COP1: variants seen among roughly 807,000 people sequenced by gnomAD.
COP1 encodes COP1 E3 ubiquitin ligase, also known as E3 ubiquitin-protein ligase COP1.
COP1 carries 24 observed loss-of-function variants against 101.3 expected under a neutral mutation model. The observed-to-expected ratio is 0.24, with a 90% CI of 0.17 to 0.33. The LOEUF (loss-of-function observed/expected upper bound fraction) is 0.33. Ranked by LOEUF, COP1 falls within the 10% of genes least tolerant of loss-of-function variation. The pLI is 1.00. For missense variants in COP1, 663 were observed against 906.2 expected, an observed-to-expected ratio of 0.73 and a Z score of 3.45; for synonymous variants, 347 against 341.9, an observed-to-expected ratio of 1.01 and a Z score of -0.17.
intron 6 of COP1, among the ~76,000 whole-genome samples, chr1:176,145,853 T>C (rs1691511234): frequency 6.6e-6 from 1 of 152,136 alleles, no homozygotes; most frequent in African/African-American, 2.4e-5. Context: ...TATCAGAATA[T>C]TGGTTACCTA....
intron 11 of COP1, among the ~76,000 whole-genome samples, chr1:176,060,035 G>A (rs1342461860): frequency 6.6e-6 from 1 of 151,924 alleles, no homozygotes; most frequent in Non-Finnish European, 1.5e-5. Flanking sequence ...TGAATTAATG[G>A]ACAGACTTTA....
chr1:175,969,086 C>G (rs932590858), intron 18 of COP1, among the ~76,000 whole-genome samples: 4 of 152,148 alleles, frequency 2.6e-5, no homozygotes, highest in South Asian at 4.2e-4. Flanking sequence ...AAAGCTGATT[C>G]TAGAATTCAG....
At chr1:176,141,613 C>A (rs1165395192) in intron 6 of COP1, among the ~76,000 whole-genome samples, 5 of 152,144 alleles carry the variant, frequency 3.3e-5, no homozygotes, top group Non-Finnish European at 7.3e-5. Context: ...CTACAGCAAG[C>A]CAAAACCCTT....
intron 11 of COP1, among the ~76,000 whole-genome samples, chr1:176,050,461 T>A (rs1330464227): frequency 3.3e-5 from 5 of 152,224 alleles, no homozygotes; most frequent in Non-Finnish European, 7.3e-5. Context: ...CCCTGGATGC[T>A]AGAGCCCAAC....
At chr1:176,067,152 T>C (rs1362868626) in intron 11 of COP1, among the ~76,000 whole-genome samples, 2 of 151,966 alleles carry the variant, frequency 1.3e-5, no homozygotes, top group Non-Finnish European at 2.9e-5. Context: ...ATACTAAGAG[T>C]GACCCCCTCA....
intron 11 of COP1, among the ~76,000 whole-genome samples, chr1:176,049,973 A>C (rs1052210364): frequency 2.0e-5 from 3 of 152,234 alleles, no homozygotes; most frequent in African/African-American, 7.2e-5. Context: ...ACAAACTTTA[A>C]GTCTTACTAC....
At chr1:176,027,254 G>C (rs1667829800) in intron 15 of COP1, among the ~76,000 whole-genome samples, 1 of 152,056 alleles carries the variant, frequency 6.6e-6, no homozygotes, top group South Asian at 2.1e-4. Context: ...CTTAATAATA[G>C]CTTAATTGTT....
intron 9 of COP1, among the ~76,000 whole-genome samples, chr1:176,110,388 G>A (rs1023136449): frequency 1.3e-5 from 2 of 152,162 alleles, no homozygotes; most frequent in South Asian, 4.1e-4. Context: ...AGCTACACTG[G>A]ACTTCTGAAC....
chr1:176,160,301 A>G (rs1404272448), intron 5 of COP1: 1 of 357,012 alleles, frequency 2.8e-6, no homozygotes, highest in South Asian at 2.0e-5. Context: ...GTTCTGGGAC[A>G]CGAGTGCAGA....
At chr1:176,155,702 G>A (rs1693344639) in intron 5 of COP1, among the ~76,000 whole-genome samples, 1 of 151,976 alleles carries the variant, frequency 6.6e-6, no homozygotes, top group South Asian at 2.1e-4. Context: ...ATAATAAAAT[G>A]TAGGAATAAC....
intron 8 of COP1, among the ~76,000 whole-genome samples, chr1:176,120,702 GT>G (rs1686972313): frequency 6.6e-6 from 1 of 152,094 alleles, no homozygotes. Flanking sequence ...AAGCAAAGAC[GT>G]ATTTCCTAAC....
chr1:176,109,853 A>G (rs566534578), intron 9 of COP1, among the ~76,000 whole-genome samples: 1 of 152,126 alleles, frequency 6.6e-6, no homozygotes, highest in South Asian at 2.1e-4. Flanking sequence ...GTCTTTCTAT[A>G]TTTACCATCT....
At chr1:176,030,868 A>G (rs1169105395) in intron 14 of COP1, among the ~76,000 whole-genome samples, 2 of 152,212 alleles carry the variant, frequency 1.3e-5, no homozygotes, top group East Asian at 1.9e-4. Context: ...CAGATGTAAC[A>G]AAGTTAAAAT....
At chr1:176,063,084 G>A (rs1476072676) in intron 11 of COP1, among the ~76,000 whole-genome samples, 1 of 112,248 alleles carries the variant, frequency 8.9e-6, no homozygotes, top group Admixed American at 1.4e-4. Context: ...ACGGAGTCTC[G>A]CTCTGTCGCC....
chr1:176,177,454 A>C (rs1020174990), intron 2 of COP1, among the ~76,000 whole-genome samples: 2 of 152,124 alleles, frequency 1.3e-5, no homozygotes, highest in Non-Finnish European at 2.9e-5. Context: ...TCTCTTAAAA[A>C]ATCATATATG....
intron 18 of COP1, among the ~76,000 whole-genome samples, chr1:175,954,304 T>C (rs1467484165): frequency 1.3e-5 from 2 of 152,134 alleles, no homozygotes; most frequent in African/African-American, 4.8e-5. Context: ...TAGCTTCCAA[T>C]ACTTATTAGT....
In COP1 at chr1:176,191,806, A is replaced by T. The variant is rs993223723; in HGVS notation, c.408-7114T>A. The stretch of plus-strand genomic sequence containing the variant: ...AACTTATTTGGTATTTTGTGAAGTG[A>T]TTCCTCCCTAATCTGTCTCCATCAA... On this transcript the variant is annotated intron_variant, in intron 1 of 19. Coordinates refer to ENST00000367669, the MANE Select transcript of COP1 (RefSeq NM_022457.7). 4.6e-5 allele frequency among the ~76,000 whole-genome samples: 7 copies of T among 152,212 alleles called. No homozygotes were observed. The East Asian group carries it at 7.7e-4, about 17-fold the overall frequency.
At chr1:176,197,883 G>A (rs1190458922) in intron 1 of COP1, among the ~76,000 whole-genome samples, 4 of 151,882 alleles carry the variant, frequency 2.6e-5, no homozygotes, top group Non-Finnish European at 4.4e-5. Flanking sequence ...ATTAGAAATC[G>A]AAATTAAAAG....
chr1:175,986,308 C>T (rs1229688890), intron 18 of COP1, among the ~76,000 whole-genome samples: 3 of 151,996 alleles, frequency 2.0e-5, no homozygotes, highest in Admixed American at 1.3e-4. Flanking sequence ...TGTGAGCCAC[C>T]GAACCTAGCC....
Sources: allele counts gnomAD v4.1 joint callset (sites outside exome capture counted in the v4.1 genomes callset), GRCh38; gene constraint gnomAD v4.1.1; transcripts MANE v1.5; gene names NCBI Gene and HGNC (gene_info 2026-07-23, HGNC 2026-07-21).